TTC29: variants seen among roughly 807,000 people sequenced by gnomAD.
The protein encoded by TTC29 is tetratricopeptide repeat protein 29.
In TTC29, 49 loss-of-function variants were observed where a neutral mutation model predicts 58.1. That is an observed-to-expected ratio of 0.84 (90% CI 0.67 to 1.07). TTC29 has a LOEUF of 1.07. Ranked by LOEUF, TTC29 falls within the 50% of genes least tolerant of loss-of-function variation. The pLI is 0.00. For missense variants in TTC29, 582 were observed against 555.6 expected (o/e 1.05, Z -0.48); for synonymous variants, 209 against 196.8 (o/e 1.06, Z -0.52).
intron 11 of TTC29, among the ~76,000 whole-genome samples, chr4:146,745,824 C>G (rs1326133914): frequency 6.6e-6 from 1 of 152,170 alleles, no homozygotes; most frequent in Non-Finnish European, 1.5e-5. Context: ...GTTTATTATT[C>G]AAGTGTTAAG....
At chr4:146,737,591 G>C (rs1223427419) in intron 11 of TTC29, among the ~76,000 whole-genome samples, 1 of 8,820 alleles carries the variant, frequency 1.1e-4, no homozygotes, top group Non-Finnish European at 3.5e-4. Flanking sequence ...TAGTAGCCCT[G>C]GGGGGGGGGG....
chr4:146,899,372 A>G (rs1238922203), intron 6 of TTC29, among the ~76,000 whole-genome samples: 1 of 152,208 alleles, frequency 6.6e-6, no homozygotes, highest in African/African-American at 2.4e-5. Context: ...CCCCACAGAC[A>G]CAGTGAGAAT....
intron 11 of TTC29, among the ~76,000 whole-genome samples, chr4:146,786,227 G>T (rs1358489878): frequency 1.3e-5 from 2 of 152,132 alleles, no homozygotes; most frequent in African/African-American, 4.8e-5. Flanking sequence ...ATCTTTAGAG[G>T]TCGCCTTACC....
intron 11 of TTC29, among the ~76,000 whole-genome samples, chr4:146,758,228 T>C (rs1746602832): frequency 6.6e-6 from 1 of 151,990 alleles, no homozygotes; most frequent in Non-Finnish European, 1.5e-5. Flanking sequence ...GCAACAGCAG[T>C]TAAAAGAGAT....
intron 11 of TTC29, among the ~76,000 whole-genome samples, chr4:146,726,827 A>C (rs535808509): frequency 6.0e-4 from 91 of 152,310 alleles, no homozygotes; most frequent in Non-Finnish European, 1.2e-3. Flanking sequence ...AAGAGTAAAG[A>C]AAATAATAGG....
Position 146,708,331 on chromosome 4 carries a change from TATATATATATATATATATATATATAC to T in TTC29, c.1331-806_1331-781del, listed in dbSNP as rs933247563. Among the ~76,000 whole-genome samples, 33 of 66,960 alleles carry T rather than the reference TATATATATATATATATATATATATAC, an allele frequency of 4.9e-4. 2 individuals are homozygous for T. In the East Asian group the frequency reaches 5.1e-3, roughly 10 times the overall value. 43.9% of individuals were successfully genotyped at this position (66,960 alleles called of 152,430 possible). On this transcript the variant is annotated intron_variant, in intron 11 of 12. Transcript: ENST00000325106. ...GTTTATATATATATATATATATATA[TATATATATATATATATATATATATAC>T]ACATGTATGTGTGTGTATATATATA... is the stretch of plus-strand genomic sequence containing the variant.
At chr4:146,855,782 T>C (rs562030126) in intron 8 of TTC29, among the ~76,000 whole-genome samples, 1 of 152,340 alleles carries the variant, frequency 6.6e-6, no homozygotes, top group South Asian at 2.1e-4. Flanking sequence ...ACATTATTTC[T>C]TTCTGAAGTT....
intron 1 of TTC29, chr4:146,945,359 T>C (rs1288266190): frequency 1.3e-5 from 2 of 152,192 alleles, no homozygotes; most frequent in African/African-American, 4.8e-5. Flanking sequence ...ATTTGTTCTC[T>C]CAAATTTACG....
At chr4:146,785,356 T>C (rs912873594) in intron 11 of TTC29, among the ~76,000 whole-genome samples, 4 of 152,154 alleles carry the variant, frequency 2.6e-5, no homozygotes, top group Non-Finnish European at 5.9e-5. Flanking sequence ...TATATCCTTC[T>C]ATTAAGGAGG....
intron 8 of TTC29, among the ~76,000 whole-genome samples, chr4:146,859,736 G>A (rs1179390749): frequency 6.6e-6 from 1 of 152,066 alleles, no homozygotes; most frequent in Non-Finnish European, 1.5e-5. Context: ...GGAGTTTTGG[G>A]TTTAGGGAGT....
chr4:146,920,647 T>A (rs1275023875), intron 4 of TTC29, among the ~76,000 whole-genome samples: 1 of 109,304 alleles, frequency 9.1e-6, no homozygotes, highest in Non-Finnish European at 1.7e-5. Flanking sequence ...ATAAAACTTA[T>A]CTTTTACAAA....
chr4:146,804,535 C>T (rs572004094), intron 10 of TTC29, among the ~76,000 whole-genome samples: 11 of 152,084 alleles, frequency 7.2e-5, no homozygotes, highest in African/African-American at 2.2e-4. Context: ...CTGGGATGCT[C>T]GAAGTTGGTG....
At chr4:146,860,697 G>A (rs575634516) in intron 8 of TTC29, among the ~76,000 whole-genome samples, 2 of 152,246 alleles carry the variant, frequency 1.3e-5, no homozygotes, top group East Asian at 1.9e-4. Context: ...TTTTATTTCC[G>A]AAATTTTTCC....
intron 4 of TTC29, chr4:146,934,282 G>A (rs976833641): frequency 1.3e-5 from 2 of 152,196 alleles, no homozygotes; most frequent in Non-Finnish European, 2.9e-5. Context: ...GATACATTTT[G>A]GAGTTGTAGC....
intron 5 of TTC29, among the ~76,000 whole-genome samples, chr4:146,905,109 G>A (rs1014246488): frequency 6.6e-6 from 1 of 152,130 alleles, no homozygotes; most frequent in Non-Finnish European, 1.5e-5. Flanking sequence ...GTGAAAAGTA[G>A]CGCATGACCT....
At chr4:146,744,068 G>A (rs576482325) in intron 11 of TTC29, among the ~76,000 whole-genome samples, 1 of 152,362 alleles carries the variant, frequency 6.6e-6, no homozygotes, top group Admixed American at 6.5e-5. Context: ...AGATGGGAAG[G>A]AGGGAAAGGA....
chr4:146,765,344 A>G (rs1248781337), intron 11 of TTC29, among the ~76,000 whole-genome samples: 6 of 152,252 alleles, frequency 3.9e-5, no homozygotes, highest in African/African-American at 1.4e-4. Context: ...ATGCTCGGTC[A>G]TTTCTTTAAA....
chr4:146,842,477 A>T (rs536456719), intron 8 of TTC29, among the ~76,000 whole-genome samples: 2 of 152,076 alleles, frequency 1.3e-5, no homozygotes, highest in Non-Finnish European at 2.9e-5. Flanking sequence ...AATAAATGAG[A>T]ATGAAACCCC....
At chr4:146,884,289 G>A (rs966351577) in intron 6 of TTC29, among the ~76,000 whole-genome samples, 19 of 152,002 alleles carry the variant, frequency 1.2e-4, no homozygotes, top group African/African-American at 4.1e-4. Context: ...ACGCACCTTC[G>A]AAAATGTTTA....
Sources: gnomAD v4.1 joint callset for allele counts (sites outside exome capture counted in the v4.1 genomes callset) on GRCh38, gnomAD v4.1.1 for gene constraint, MANE v1.5 for transcripts, NCBI Gene and HGNC (gene_info 2026-07-23, HGNC 2026-07-21) for gene names.